The following TLR3 variants were observed in gnomAD, a reference collection of about 807,000 sequenced individuals.
TLR3 encodes the protein toll like receptor 3, also known as toll-like receptor 3.
A neutral mutation model predicts 66.4 loss-of-function variants in TLR3; 43 were observed. That is an observed-to-expected ratio of 0.65 (90% CI 0.51 to 0.83). TLR3 has a LOEUF of 0.83. Among genes scored for constraint, TLR3 ranks in the 40% least tolerant of loss-of-function variants. The probability of loss-of-function intolerance (pLI) is 0.00; values close to 1 mark genes in which losing one functional copy is unlikely to be tolerated. For missense variants in TLR3, 982 were observed against 1,044.6 expected (o/e 0.94, Z 0.83); for synonymous variants, 397 against 397.2 (o/e 1.00, Z 0.01).
At chr4:186,082,227 A>AAAAAAG in intron 3 of TLR3, 93 bp from the exon 4 acceptor site, 2 of 199,886 alleles carry the variant, frequency 1.0e-5, no homozygotes, top group Non-Finnish European at 1.6e-5. Flanking sequence ...TCCGTCTCAA[A>AAAAAAG]AAAAAAAAAA....
intron 1 of TLR3, among the ~76,000 whole-genome samples, chr4:186,072,849 A>G (rs1455111674): frequency 7.9e-5 from 12 of 152,238 alleles, no homozygotes; most frequent in Admixed American, 7.9e-4. Flanking sequence ...CAGAGCCAAC[A>G]AAGTGCCAGG....
intron 3 of TLR3, among the ~76,000 whole-genome samples, chr4:186,079,922 C>T (rs1414116844): frequency 1.3e-5 from 2 of 152,186 alleles, no homozygotes; most frequent in South Asian, 2.1e-4. Context: ...GCACTGACAG[C>T]GCCCAGGTTG....
rs2150068053 is a variant in TLR3, at chr4:186,083,552, A to G, written c.1866A>G (p.Ile622Met). Residue 622 changes from isoleucine to methionine, a missense_variant, in exon 4 of 5, where the codon ATA becomes ATG. Physicochemically the swap from Ile to Met is conservative, Grantham distance 10. Coordinates refer to ENST00000296795, the MANE Select transcript of TLR3 (RefSeq NM_003265.3). The surrounding 1 kb of genome is among the most constrained non-coding windows in gnomAD (Gnocchi z 4.0). The part of the protein sequence containing the change: ...LKSLNLQKNL[I>M]TSVEKKVFGP... ...CATTGAACCTTCAGAAGAATCTCAT[A>G]ACATCCGTTGAGAAGAAGGTTTTCG... 6.2e-7 allele frequency: 1 copy of G among 1,613,096 alleles called. No homozygotes were observed. Among genetic ancestry groups the G allele is most frequent in the Admixed American group, 1.7e-5 (1 of 59,854 alleles).
intron 1 of TLR3, among the ~76,000 whole-genome samples, chr4:186,074,735 C>T (rs1460121091): frequency 6.6e-6 from 1 of 152,044 alleles, no homozygotes; most frequent in East Asian, 1.9e-4. Flanking sequence ...CATTGTACAC[C>T]TATACAAAAA....
intron 1 of TLR3, among the ~76,000 whole-genome samples, chr4:186,069,551 A>C (rs2099301074): frequency 6.6e-6 from 1 of 152,210 alleles, no homozygotes; most frequent in African/African-American, 2.4e-5. Context: ...CACATTAGGG[A>C]AGCTATGGAA....
At position 186,087,909 on chromosome 4, in the gene TLR3, T is replaced by A. The variant is rs2099304629; in HGVS notation, c.*3036T>A. The A allele has an allele frequency of 1.3e-5, 2 of 152,176 alleles. No homozygotes were observed. The highest frequency in any genetic ancestry group is 2.4e-5 in the African/African-American group (1 of 41,438). 9.4% of individuals were successfully genotyped at this position (152,176 alleles called of 1,614,324 possible). A position where few individuals can be genotyped will look rare whatever the true frequency, so the allele number is the denominator to read the frequency against. On this transcript the variant is annotated 3_prime_UTR_variant, in exon 5 of 5. Coordinates refer to ENST00000296795, the MANE Select transcript of TLR3 (RefSeq NM_003265.3). Reference sequence around the variant, plus strand: ...TGGCTGCAAATAGGTGGAAGAGACCTTTTTTGGGTGATGAAAGTGCTCTAT... The same window carrying A: ...TGGCTGCAAATAGGTGGAAGAGACCATTTTTGGGTGATGAAAGTGCTCTAT...
rs1421090581 is a variant in TLR3, at chr4:186,087,706, C to T, written c.*2833C>T. On this transcript the variant is annotated 3_prime_UTR_variant, in exon 5 of 5. Transcript: ENST00000296795. ...GGAGTTTTCGATGCCACTTAGTTTA[C>T]AATGTCTAATTGTTCAAATATACAT... is the stretch of plus-strand genomic sequence containing the variant. The T allele has an allele frequency of 6.6e-6, 1 of 152,134 alleles. No individual in the cohort carries two copies. The highest frequency in any genetic ancestry group is 1.5e-5 in the Non-Finnish European group (1 of 68,024). The allele number at this position is 152,134 out of a possible 1,614,324, so 9.4% of individuals were successfully genotyped here.
chr4:186,073,724 A>G (rs911490777), intron 1 of TLR3, among the ~76,000 whole-genome samples: 3 of 152,160 alleles, frequency 2.0e-5, no homozygotes, highest in African/African-American at 7.2e-5. Context: ...TGATAAAAAT[A>G]AAAGAGAAGA....
Position 186,076,920 on chromosome 4 carries a change from T to C in TLR3, c.301T>C (p.Leu101=), listed in dbSNP as rs372734410. Residue 101 remains leucine (L), a synonymous_variant, in exon 2 of 5, where the codon TTA becomes CTA. Coordinates refer to ENST00000296795, the MANE Select transcript of TLR3 (RefSeq NM_003265.3). ...AGAATTGTGCCAGAAACTTCCCATG[T>C]TAAAAGTTTTGAACCTCCAGCACAA... is the stretch of plus-strand genomic sequence containing the variant. The part of the protein sequence containing the change: ...EPELCQKLPM[L]KVLNLQHNEL... 3 of 1,614,200 alleles carry C rather than the reference T, an allele frequency of 1.9e-6. No homozygotes were observed. The highest frequency in any genetic ancestry group is 1.7e-6 in the Non-Finnish European group (2 of 1,180,040).
chr4:186,082,248 A>AAAAAAAAAAAAAAC (rs2099303663), intron 3 of TLR3, 72 bp from the exon 4 acceptor site: 1 of 905,818 alleles, frequency 1.1e-6, no homozygotes, highest in South Asian at 1.5e-5. Flanking sequence ...AAAAAAAAAA[A>AAAAAAAAAAAAAAC]AAAGGCTTTC....
chr4:186,078,146 T>G (rs573351085), intron 2 of TLR3, among the ~76,000 whole-genome samples: 166 of 152,290 alleles, frequency 1.1e-3, no homozygotes, highest in African/African-American at 3.8e-3. Context: ...AGACTTAAAT[T>G]AAAAAACCTG....
intron 3 of TLR3, among the ~76,000 whole-genome samples, chr4:186,080,517 T>G (rs1022904866): frequency 2.0e-5 from 3 of 152,036 alleles, no homozygotes; most frequent in African/African-American, 7.2e-5. Context: ...CTTAACTGTG[T>G]GTCAAGTGCT....
At position 186,078,922 on chromosome 4, in the gene TLR3, A is replaced by G. The variant is rs770093551; in HGVS notation, c.524A>G (p.Glu175Gly). 6.2e-7 allele frequency: 1 copy of G among 1,613,954 alleles called. No individual in the cohort carries two copies. The highest frequency in any genetic ancestry group is 1.3e-5 in the African/African-American group (1 of 74,924). Reference protein sequence around the residue: ...GTQVQLENLQELLLSNNKIQA... With the variant: ...GTQVQLENLQGLLLSNNKIQA... ...CAGGTTCAGCTGGAAAATCTCCAAG[A>G]GCTTCTATTATCAAACAATAAAATT... is the stretch of plus-strand genomic sequence containing the variant. The change falls in exon 3 of 5, where the codon GAG becomes GGG. Residue 175 changes from glutamate to glycine, a missense_variant. By Grantham distance (98) the Glu-to-Gly change is moderately conservative (BLOSUM62 -2). Coordinates refer to ENST00000296795, the MANE Select transcript of TLR3 (RefSeq NM_003265.3).
At chr4:186,077,117 A>G (rs75678105) in intron 2 of TLR3, 57 bp downstream of exon 2, 25,313 of 1,514,774 alleles carry the variant, frequency 0.017, 564 homozygotes, top group African/African-American at 0.099. Context: ...CCATCCTTAG[A>G]CTTACTATCT....
Position 186,082,967 on chromosome 4 carries a change from C to T in TLR3, c.1281C>T (p.Phe427=). The T allele has an allele frequency of 6.2e-7, 1 of 1,614,176 alleles. No individual in the cohort carries two copies. The highest frequency in any genetic ancestry group is 1.3e-5 in the African/African-American group (1 of 75,028). The part of the protein sequence containing the change: ...NKISKIESDA[F]SWLGHLEVLD... ...TCTCAAAAATAGAGAGTGATGCTTT[C>T]TCTTGGTTGGGCCACCTAGAAGTAC... Residue 427 remains phenylalanine (F), a synonymous_variant, in exon 4 of 5, where the codon TTC becomes TTT. Transcript: ENST00000296795.
intron 2 of TLR3, among the ~76,000 whole-genome samples, 171 bp from the exon 3 acceptor site, chr4:186,078,669 A>C (rs2099302877): frequency 6.6e-6 from 1 of 152,224 alleles, no homozygotes; most frequent in Admixed American, 6.5e-5. Flanking sequence ...TTATAACGTA[A>C]CAAAGATTAA....
At position 186,086,453 on chromosome 4, in the gene TLR3, G is replaced by C. The variant is rs1379587371; in HGVS notation, c.*1580G>C. On this transcript the variant is annotated 3_prime_UTR_variant, in exon 5 of 5. Transcript: ENST00000296795. ...AATGAGAAATATCCACTGTACCTCT[G>C]GTTCTGAAGAGTCTATAGTCGGCCA... 6.6e-6 allele frequency: 1 copy of C among 152,174 alleles called. No individual in the cohort carries two copies. The highest frequency in any genetic ancestry group is 2.4e-5 in the African/African-American group (1 of 41,444). 9.4% of individuals were successfully genotyped at this position (152,174 alleles called of 1,614,324 possible). A position where few individuals can be genotyped will look rare whatever the true frequency, so the allele number is the denominator to read the frequency against.
At position 186,082,822 on chromosome 4, in the gene TLR3, T is replaced by C; in HGVS notation, c.1136T>C (p.Ile379Thr). 7.4e-6 allele frequency: 12 copies of C among 1,614,052 alleles called. No homozygotes were observed. The highest frequency in any genetic ancestry group is 1.0e-5 in the Non-Finnish European group (12 of 1,179,970). Reference sequence around the variant, plus strand: ...AAAAGCAATATGTTCACAGGATTGATAAACCTGAAATACTTAAGTCTATCC... The same window carrying C: ...AAAAGCAATATGTTCACAGGATTGACAAACCTGAAATACTTAAGTCTATCC... Reference protein sequence around the residue: ...GIKSNMFTGLINLKYLSLSNS... With the variant: ...GIKSNMFTGLTNLKYLSLSNS... The change falls in exon 4 of 5, where the codon ATA (isoleucine) becomes ACA (threonine). Residue 379 changes from isoleucine to threonine, a missense_variant. By Grantham distance (89) the Ile-to-Thr change is moderately conservative (BLOSUM62 -1). This residue lies in a region of TLR3 where 666 missense variants were observed against 709.0 expected (regional missense o/e 0.94). Transcript: ENST00000296795.
chr4:186,075,155 T>C (rs550237987), intron 1 of TLR3, among the ~76,000 whole-genome samples: 78 of 152,372 alleles, frequency 5.1e-4, no homozygotes, highest in Admixed American at 2.0e-3. Context: ...TAAATAATTA[T>C]GTGTGCTATA....
Sources: allele counts gnomAD v4.1 joint callset (sites outside exome capture counted in the v4.1 genomes callset), GRCh38; gene constraint gnomAD v4.1.1; regional missense constraint gnomAD v4.1.1; non-coding constraint Gnocchi (gnomAD v3.1); transcripts MANE v1.5; gene names NCBI Gene and HGNC (gene_info 2026-07-23, HGNC 2026-07-21).